The following SLF1 variants were observed in gnomAD, a reference collection of about 807,000 sequenced individuals.
The protein encoded by SLF1 is SMC5-SMC6 complex localization factor protein 1.
SLF1 carries 105 observed loss-of-function variants against 123.0 expected under a neutral mutation model. The observed-to-expected ratio is 0.85, with a 90% CI of 0.73 to 1.00. The LOEUF is 1.00. SLF1 is among the 50% of genes least tolerant of loss of function. The pLI is 0.00. For missense variants in SLF1, 1,239 were observed against 1,223.0 expected (o/e 1.01, Z -0.20); for synonymous variants, 434 against 406.6 (o/e 1.07, Z -0.81).
In SLF1 at chr5:94,665,964, A is replaced by C. The variant is rs1451270203; in HGVS notation, c.1472A>C (p.Glu491Ala). Residue 491 changes from glutamate to alanine, a missense_variant, in exon 12 of 21, where the codon GAG (glutamate) becomes GCG (alanine). Physicochemically the swap from Glu to Ala is moderately radical, Grantham distance 107. Coordinates refer to ENST00000265140, the MANE Select transcript of SLF1 (RefSeq NM_032290.4). ...CCAGCCATGTCGAGATATTATTTAG[A>C]GTTGTTTCAGTGTCCAACTTGTATG... ...KSPAMSRYYL[E>A]LFQCPTCMKG... 1.3e-6 allele frequency: 2 copies of C among 1,551,312 alleles called. No homozygotes were observed. Among genetic ancestry groups the C allele is most frequent in the East Asian group, 2.4e-5 (1 of 40,908 alleles).
chr5:94,664,293 T>A (rs1344897023), intron 11 of SLF1, among the ~76,000 whole-genome samples: 1 of 152,208 alleles, frequency 6.6e-6, no homozygotes, highest in Non-Finnish European at 1.5e-5. Context: ...ATGAACATAC[T>A]CTTTGTTTAA....
At chr5:94,692,323 A>G (rs570116311) in intron 20 of SLF1, 67 bp downstream of exon 20, 13 of 1,438,316 alleles carry the variant, frequency 9.0e-6, no homozygotes, top group Middle Eastern at 3.6e-4. Flanking sequence ...CTGCAGAGGT[A>G]GATAGCATTT....
At position 94,695,013 on chromosome 5, in the gene SLF1, A is replaced by G. The variant is rs1049404227; in HGVS notation, c.2878A>G (p.Ser960Gly). ...QQLEFGSFLLSRMLLNFCSIF... is the reference protein window; with the variant it reads ...QQLEFGSFLLGRMLLNFCSIF... ...ACTTGAATTTGGCTCCTTTTTACTT[A>G]GTAGGATGTTGCTAAATTTTTGTTC... The change falls in exon 21 of 21, where the codon AGT (serine) becomes GGT (glycine). Residue 960 changes from serine to glycine, a missense_variant. Coordinates refer to ENST00000265140, the MANE Select transcript of SLF1 (RefSeq NM_032290.4). 10 of 1,612,208 alleles carry G rather than the reference A, an allele frequency of 6.2e-6. No homozygotes were observed. In the African/African-American group the frequency reaches 8.0e-5, roughly 13 times the overall value.
chr5:94,691,197 T>C (rs1753019724), intron 18 of SLF1: 1 of 205,910 alleles, frequency 4.9e-6, no homozygotes, highest in Non-Finnish European at 9.7e-6. Flanking sequence ...GCAATTGCAC[T>C]CTAAACTTTT....
chr5:94,670,439 G>A (rs139971956), intron 13 of SLF1, among the ~76,000 whole-genome samples, 160 bp downstream of exon 13: 23 of 151,158 alleles, frequency 1.5e-4, no homozygotes, highest in African/African-American at 5.6e-4. Context: ...ATTCTCAGTG[G>A]GAGTAAAGGT....
At chr5:94,628,677 G>T in intron 1 of SLF1, 134 bp from the exon 2 acceptor site, 1 of 497,502 alleles carries the variant, frequency 2.0e-6, no homozygotes, top group Non-Finnish European at 3.5e-6. Context: ...TGTTTTAACA[G>T]CTGTGCCTAA....
At chr5:94,663,599 C>A in intron 10 of SLF1, 151 bp from the exon 11 acceptor site, 3 of 655,536 alleles carry the variant, frequency 4.6e-6, no homozygotes, top group Non-Finnish European at 7.3e-6. Context: ...GAGCCGAGAT[C>A]GCACCACTGC....
At chr5:94,648,409 G>A (rs978261265) in intron 5 of SLF1, among the ~76,000 whole-genome samples, 1 of 151,940 alleles carries the variant, frequency 6.6e-6, no homozygotes, top group African/African-American at 2.4e-5. Context: ...AACACGTTTT[G>A]TTTTTTTTAT....
At chr5:94,635,337 C>CTTTTTTTTTTTTTTTTT (rs34524874) in intron 4 of SLF1, among the ~76,000 whole-genome samples, 31 of 43,908 alleles carry the variant, frequency 7.1e-4, no homozygotes, top group South Asian at 9.6e-4. Context: ...ACATACTCGG[C>CTTTTTTTTTTTTTTTTT]TTTTTTTTTT....
chr5:94,628,121 G>A (rs1004180072), intron 1 of SLF1, among the ~76,000 whole-genome samples: 6 of 151,712 alleles, frequency 4.0e-5, no homozygotes, highest in South Asian at 2.1e-4. Flanking sequence ...GTGAGCCACC[G>A]CTCCTGGCCA....
rs869267356 is a variant in SLF1, at chr5:94,666,976, T to TTTA, written c.1532+952_1532+953insTTA. Reference sequence around the variant, plus strand: ...ATCTTTTTTTTTTTTTTTTTTTTTTTAATTTAAGTGTCCAGTTTCAGGAGG... The same window carrying TTTA: ...ATCTTTTTTTTTTTTTTTTTTTTTTTTTAAATTTAAGTGTCCAGTTTCAGGAGG... On this transcript the variant is annotated intron_variant, in intron 12 of 20. Transcript: ENST00000265140. Among the ~76,000 whole-genome samples, 21 of 134,776 alleles carry TTTA rather than the reference T, an allele frequency of 1.6e-4. No homozygotes were observed. In the East Asian group the frequency reaches 4.2e-3, roughly 27 times the overall value. The allele number at this position is 134,776 out of a possible 152,430, so 88.4% of individuals were successfully genotyped here. A position where few individuals can be genotyped will look rare whatever the true frequency, so the allele number is the denominator to read the frequency against.
At chr5:94,634,806 T>C (rs1276031552) in intron 4 of SLF1, among the ~76,000 whole-genome samples, 1 of 152,236 alleles carries the variant, frequency 6.6e-6, no homozygotes, top group African/African-American at 2.4e-5. Flanking sequence ...ATTAGTGATA[T>C]TGAGCATTTA....
chr5:94,648,965 T>C (rs984181784), intron 5 of SLF1, among the ~76,000 whole-genome samples: 3 of 152,218 alleles, frequency 2.0e-5, no homozygotes, highest in Admixed American at 1.3e-4. Flanking sequence ...TTGTTTGAGA[T>C]AGAGCTACAT....
At chr5:94,637,461 G>A (rs1184315653) in intron 4 of SLF1, among the ~76,000 whole-genome samples, 1 of 152,094 alleles carries the variant, frequency 6.6e-6, no homozygotes, top group Non-Finnish European at 1.5e-5. Context: ...GCCAGGCTCA[G>A]GGTGTATTCC....
chr5:94,695,113 G>A lies in SLF1; in HGVS notation c.2978G>A (p.Cys993Tyr), dbSNP rs76504036. The A allele has an allele frequency of 2.5e-6, 4 of 1,586,610 alleles. No individual in the cohort carries two copies. In the East Asian group the frequency reaches 6.9e-5, roughly 27 times the overall value. Residue 993 changes from cysteine to tyrosine, a missense_variant, in exon 21 of 21, where the codon TGT (cysteine) becomes TAT (tyrosine). By Grantham distance (194) the Cys-to-Tyr change is radical. Transcript: ENST00000265140. ...LTHLNELLMA[C>Y]KSHKETTSVH... ...CATCTAAATGAACTGCTTATGGCTT[G>A]TAAAAGTCATAAAGAAACCACCAGT...
chr5:94,674,917 A>G (rs1046777594), intron 14 of SLF1, among the ~76,000 whole-genome samples: 1 of 152,240 alleles, frequency 6.6e-6, no homozygotes, highest in African/African-American at 2.4e-5. Context: ...ATATTAATAG[A>G]TAAGAAAGTT....
intron 10 of SLF1, among the ~76,000 whole-genome samples, 198 bp downstream of exon 10, chr5:94,662,549 A>G (rs1249802428): frequency 6.6e-6 from 1 of 152,242 alleles, no homozygotes; most frequent in Non-Finnish European, 1.5e-5. Flanking sequence ...ATTTCCATAT[A>G]ATAGTAAAAA....
chr5:94,631,760 AT>A (rs1445239393), intron 4 of SLF1, among the ~76,000 whole-genome samples: 3 of 152,168 alleles, frequency 2.0e-5, no homozygotes, highest in African/African-American at 7.2e-5. Context: ...CTTGGGAAAT[AT>A]CTCGGAATGA....
At chr5:94,620,763 ATGTACTG>A (rs929153901) in intron 1 of SLF1, among the ~76,000 whole-genome samples, 21 of 152,196 alleles carry the variant, frequency 1.4e-4, no homozygotes, top group African/African-American at 4.8e-4. Context: ...ATAATGTACT[ATGTACTG>A]TTTTTCACCT....
Sources: allele counts gnomAD v4.1 joint callset (sites outside exome capture counted in the v4.1 genomes callset), GRCh38; gene constraint gnomAD v4.1.1; transcripts MANE v1.5; gene names NCBI Gene and HGNC (gene_info 2026-07-23, HGNC 2026-07-21).